Variants in SNTG1 observed in about 807,000 individuals in gnomAD.
SNTG1 encodes the protein syntrophin gamma 1.
Under a neutral mutation model 74.7 loss-of-function variants are expected in SNTG1, and 39 were observed. The ratio of observed to expected loss-of-function variants is 0.52; its 90% CI spans 0.40 to 0.68. The LOEUF (loss-of-function observed/expected upper bound fraction) is 0.68, where lower values mean the gene tolerates loss of function less well. Among genes scored for constraint, SNTG1 ranks in the 30% least tolerant of loss-of-function variants. The probability of loss-of-function intolerance (pLI) is 0.00; values close to 1 mark genes in which losing one functional copy is unlikely to be tolerated. For missense variants in SNTG1, 685 were observed against 609.5 expected, an observed-to-expected ratio of 1.12 and a Z score of -1.30; for synonymous variants, 254 against 217.1, an observed-to-expected ratio of 1.17 and a Z score of -1.49.
At chr8:50,201,985 T>G (rs148475630) in intron 2 of SNTG1, among the ~76,000 whole-genome samples, 1 of 152,216 alleles carries the variant, frequency 6.6e-6, no homozygotes, top group East Asian at 1.9e-4. Flanking sequence ...TTAACCCACG[T>G]CTCCATGGGC....
rs773673234 is a variant in SNTG1 at position 50,537,347 on chromosome 8, C to G, written c.680+539C>G. 8.5e-5 allele frequency among the ~76,000 whole-genome samples: 13 copies of G among 152,162 alleles called. 1 individual carries two copies. Among genetic ancestry groups the G allele is most frequent in the Non-Finnish European group, 1.9e-4 (13 of 68,030 alleles). ...GACATGGGAGATCTGCCTGCCTCAG[C>G]CTCCCAAAGTGCTGGGATTATAGGC... On this transcript the variant is annotated intron_variant, in intron 11 of 18. Coordinates refer to ENST00000642720, the MANE Select transcript of SNTG1 (RefSeq NM_018967.5).
At chr8:50,494,354 A>T (rs2093885188) in intron 8 of SNTG1, among the ~76,000 whole-genome samples, 1 of 151,808 alleles carries the variant, frequency 6.6e-6, no homozygotes, top group African/African-American at 2.4e-5. Flanking sequence ...TATATTAATA[A>T]TTGTCTCGTT....
intron 9 of SNTG1, among the ~76,000 whole-genome samples, chr8:50,529,192 T>C (rs1414978030): frequency 6.6e-6 from 1 of 151,930 alleles, no homozygotes; most frequent in Non-Finnish European, 1.5e-5. Context: ...GTAGAAGATA[T>C]AAATGCAAAT....
At chr8:49,985,028 G>C (rs1813028791) in intron 1 of SNTG1, among the ~76,000 whole-genome samples, 1 of 151,976 alleles carries the variant, frequency 6.6e-6, no homozygotes. Flanking sequence ...CTTTCCCTCT[G>C]GTGGCCAGGA....
At chr8:50,406,556 G>C (rs1294090953) in intron 4 of SNTG1, among the ~76,000 whole-genome samples, 1 of 152,058 alleles carries the variant, frequency 6.6e-6, no homozygotes, top group Non-Finnish European at 1.5e-5. Flanking sequence ...CTCTCGTTAA[G>C]ATTTCCAATA....
intron 15 of SNTG1, among the ~76,000 whole-genome samples, chr8:50,688,850 T>A (rs1309175299): frequency 6.6e-6 from 1 of 151,876 alleles, no homozygotes; most frequent in East Asian, 1.9e-4. Flanking sequence ...CCTTGGACAG[T>A]ATGGCCATTT....
chr8:50,527,195 T>C (rs553213256), intron 9 of SNTG1, among the ~76,000 whole-genome samples: 2 of 152,276 alleles, frequency 1.3e-5, no homozygotes, highest in South Asian at 4.1e-4. Context: ...TGGTATGTTC[T>C]TTTTACTATT....
At chr8:50,027,919 C>A (rs59663019) in intron 1 of SNTG1, among the ~76,000 whole-genome samples, 2 of 152,260 alleles carry the variant, frequency 1.3e-5, no homozygotes, top group East Asian at 3.9e-4. Context: ...CAGAAAGCTG[C>A]AGAAATAGTA....
At chr8:50,587,585 G>A (rs115934498) in intron 12 of SNTG1, among the ~76,000 whole-genome samples, 4,822 of 152,244 alleles carry the variant, frequency 0.032, 122 homozygotes, top group African/African-American at 0.058. Flanking sequence ...ACCATTTTGG[G>A]TGGCCGAGGC....
intron 13 of SNTG1, among the ~76,000 whole-genome samples, chr8:50,626,193 G>C (rs191077701): frequency 6.6e-6 from 1 of 152,028 alleles, no homozygotes; most frequent in African/African-American, 2.4e-5. Context: ...TATAACACTC[G>C]TTTTACTATG....
intron 1 of SNTG1, among the ~76,000 whole-genome samples, chr8:49,949,705 G>A (rs984984653): frequency 3.9e-5 from 6 of 152,182 alleles, no homozygotes; most frequent in African/African-American, 1.4e-4. Context: ...TAGGTTGTTT[G>A]CCTAAGATTG....
At chr8:50,426,725 G>A (rs2093168226) in intron 4 of SNTG1, among the ~76,000 whole-genome samples, 2 of 151,914 alleles carry the variant, frequency 1.3e-5, no homozygotes, top group Admixed American at 6.6e-5. Flanking sequence ...AAAGTAGTGT[G>A]CTATCATTCA....
At chr8:49,955,510 C>T (rs1302636952) in intron 1 of SNTG1, among the ~76,000 whole-genome samples, 2 of 152,222 alleles carry the variant, frequency 1.3e-5, no homozygotes, top group Non-Finnish European at 2.9e-5. Flanking sequence ...CTTACAGTTA[C>T]AAATCCACTG....
chr8:50,621,125 G>A (rs1013315261), intron 13 of SNTG1, among the ~76,000 whole-genome samples: 1 of 151,548 alleles, frequency 6.6e-6, no homozygotes, highest in Non-Finnish European at 1.5e-5. Context: ...TCTTTTGGTG[G>A]AGTATAGTCA....
chr8:50,276,565 T>A (rs78730535), intron 2 of SNTG1, among the ~76,000 whole-genome samples: 3,092 of 152,088 alleles, frequency 0.02, 111 homozygotes, highest in African/African-American at 0.069. Context: ...GCACCAGGAC[T>A]CATTTGGGCA....
At chr8:50,466,306 C>G (rs753217382) in intron 8 of SNTG1, among the ~76,000 whole-genome samples, 1 of 151,914 alleles carries the variant, frequency 6.6e-6, no homozygotes, top group Admixed American at 6.6e-5. Flanking sequence ...CAAAATCTTA[C>G]CAATTTCCCA....
At chr8:50,024,051 G>T (rs901383248) in intron 1 of SNTG1, among the ~76,000 whole-genome samples, 1 of 152,094 alleles carries the variant, frequency 6.6e-6, no homozygotes. Context: ...TCCAGGATGG[G>T]AACCAAATTT....
At chr8:50,226,607 G>A (rs1331788117) in intron 2 of SNTG1, among the ~76,000 whole-genome samples, 1 of 152,072 alleles carries the variant, frequency 6.6e-6, no homozygotes, top group Non-Finnish European at 1.5e-5. Context: ...CAGGTCTTTA[G>A]ACAAACTCAA....
At chr8:50,360,890 TTACTA>T (rs2091938005) in intron 2 of SNTG1, among the ~76,000 whole-genome samples, 1 of 152,128 alleles carries the variant, frequency 6.6e-6, no homozygotes, top group Non-Finnish European at 1.5e-5. Flanking sequence ...GCCTAGGACA[TTACTA>T]TACACTACTG....
Sources: gnomAD v4.1 joint callset for allele counts (sites outside exome capture counted in the v4.1 genomes callset) on GRCh38, gnomAD v4.1.1 for gene constraint, MANE v1.5 for transcripts, NCBI Gene and HGNC (gene_info 2026-07-23, HGNC 2026-07-21) for gene names.